The following ASTN2 variants were observed in gnomAD, a reference collection of about 807,000 sequenced individuals.
ASTN2 encodes astrotactin 2, also known as astrotactin-2.
In ASTN2, 54 loss-of-function variants were observed where a neutral mutation model predicts 139.8. The observed-to-expected ratio is 0.39, with a 90% CI of 0.31 to 0.48. The LOEUF (loss-of-function observed/expected upper bound fraction) is 0.48, where lower values mean the gene tolerates loss of function less well. ASTN2 is among the 20% of genes least tolerant of loss of function. ASTN2 has a pLI of 0.95. For synonymous variants in ASTN2, 756 were observed against 719.5 expected, an observed-to-expected ratio of 1.05 and a Z score of -0.81; for missense variants, 1,565 against 1,725.1, an observed-to-expected ratio of 0.91 and a Z score of 1.64.
chr9:117,279,224 GC>G (rs750279157), intron 2 of ASTN2, among the ~76,000 whole-genome samples: 11 of 152,014 alleles, frequency 7.2e-5, no homozygotes, highest in Non-Finnish European at 1.5e-4. Flanking sequence ...ATCCATCCTT[GC>G]CCCCTATAAG....
chr9:117,379,145 C>T (rs1218548898), intron 1 of ASTN2, among the ~76,000 whole-genome samples: 1 of 152,088 alleles, frequency 6.6e-6, no homozygotes, highest in Non-Finnish European at 1.5e-5. Context: ...ATAAATTACC[C>T]AGCCTTTGGG....
chr9:116,688,638 C>T (rs1860400130), intron 16 of ASTN2, among the ~76,000 whole-genome samples: 1 of 146,520 alleles, frequency 6.8e-6, no homozygotes, highest in Admixed American at 6.8e-5. Flanking sequence ...GACCACCGGT[C>T]CCCCGGCCCA....
chr9:117,075,788 T>C (rs1828265246), intron 5 of ASTN2, among the ~76,000 whole-genome samples: 1 of 152,232 alleles, frequency 6.6e-6, no homozygotes, highest in African/African-American at 2.4e-5. Flanking sequence ...TTTTCCATGC[T>C]GTTTACTAAA....
chr9:117,024,503 G>C (rs942908219), intron 6 of ASTN2, among the ~76,000 whole-genome samples: 1 of 151,986 alleles, frequency 6.6e-6, no homozygotes, highest in Non-Finnish European at 1.5e-5. Context: ...TGACAAAAGG[G>C]GGTGGTTATA....
At chr9:117,146,399 G>A (rs4837008) in intron 3 of ASTN2, among the ~76,000 whole-genome samples, 37,684 of 149,784 alleles carry the variant, frequency 0.25, 4,818 homozygotes, top group Middle Eastern at 0.38. Context: ...ACTGGGGCCT[G>A]AGGAAGAAAG....
At chr9:116,685,368 G>T (rs956093229) in intron 16 of ASTN2, among the ~76,000 whole-genome samples, 1 of 152,172 alleles carries the variant, frequency 6.6e-6, no homozygotes, top group African/African-American at 2.4e-5. Flanking sequence ...GATGACTTGA[G>T]TAATCATAAA....
At chr9:116,803,086 G>A (rs561057545) in intron 13 of ASTN2, among the ~76,000 whole-genome samples, 26 of 152,132 alleles carry the variant, frequency 1.7e-4, no homozygotes, top group African/African-American at 4.8e-4. Flanking sequence ...TAAAACTTGT[G>A]TGTGTCATCT....
intron 13 of ASTN2, among the ~76,000 whole-genome samples, chr9:116,735,547 G>A (rs1828905153): frequency 2.0e-5 from 3 of 152,206 alleles, no homozygotes; most frequent in South Asian, 2.1e-4. Flanking sequence ...GTGCTGGGTG[G>A]TGCTAAGAAC....
intron 20 of ASTN2, among the ~76,000 whole-genome samples, chr9:116,472,213 A>G (rs1848835130): frequency 6.6e-6 from 1 of 152,088 alleles, no homozygotes; most frequent in Non-Finnish European, 1.5e-5. Context: ...GTACATTTCA[A>G]CTGCCCTGAA....
intron 3 of ASTN2, among the ~76,000 whole-genome samples, chr9:117,179,964 G>A (rs1831015696): frequency 6.6e-6 from 1 of 152,154 alleles, no homozygotes; most frequent in African/African-American, 2.4e-5. Flanking sequence ...TTTGATAGAT[G>A]GGAAAACTGA....
intron 10 of ASTN2, among the ~76,000 whole-genome samples, chr9:116,926,733 G>A (rs1007295489): frequency 1.3e-5 from 2 of 152,160 alleles, no homozygotes; most frequent in African/African-American, 4.8e-5. Flanking sequence ...TTTTACAGAT[G>A]AGAAAACTGA....
intron 5 of ASTN2, among the ~76,000 whole-genome samples, chr9:117,052,434 TAAA>T (rs1266282770): frequency 7.3e-6 from 1 of 137,202 alleles, no homozygotes; most frequent in African/African-American, 2.7e-5. Context: ...GACTCCATCT[TAAA>T]AAAAAAAAAA....
At chr9:117,278,580 G>A (rs762596972) in intron 2 of ASTN2, among the ~76,000 whole-genome samples, 4 of 152,348 alleles carry the variant, frequency 2.6e-5, no homozygotes, top group South Asian at 2.1e-4. Context: ...CCAAGATGGA[G>A]AAGGTGGCAG....
intron 16 of ASTN2, among the ~76,000 whole-genome samples, chr9:116,668,282 C>T (rs1322720667): frequency 6.6e-6 from 1 of 151,956 alleles, no homozygotes; most frequent in African/African-American, 2.4e-5. Flanking sequence ...ACCTCCGCCC[C>T]CCAGGTTCAA....
chr9:116,582,077 G>A (rs927369831), intron 19 of ASTN2: 5 of 152,170 alleles, frequency 3.3e-5, no homozygotes, highest in Admixed American at 1.3e-4. Context: ...GTCATAAGCC[G>A]AGTTTAATTG....
At chr9:116,961,795 C>T (rs1588443350) in intron 10 of ASTN2, among the ~76,000 whole-genome samples, 1 of 152,154 alleles carries the variant, frequency 6.6e-6, no homozygotes, top group South Asian at 2.1e-4. Context: ...TCTGAAAAGG[C>T]ATGAGTTTAA....
In ASTN2 at chr9:116,585,656, CA is replaced by C. The variant is rs1368724312; in HGVS notation, c.3355+32667del. 5 of 152,268 alleles carry C rather than the reference CA, an allele frequency of 3.3e-5. No homozygotes were observed. In the East Asian group the frequency reaches 9.6e-4, roughly 29 times the overall value. 9.4% of individuals were successfully genotyped at this position (152,268 alleles called of 1,614,324 possible). On this transcript the variant is annotated intron_variant, in intron 19 of 22. Coordinates refer to ENST00000313400, the MANE Select transcript of ASTN2 (RefSeq NM_001365068.1). ...CTGGGCCCTTACCTTTCACCATATA[CA>C]AAAATTAACTCAAGATGGATTAAAG...
chr9:116,538,180 AAGGG>A (rs1851724303), intron 19 of ASTN2, among the ~76,000 whole-genome samples: 1 of 152,040 alleles, frequency 6.6e-6, no homozygotes, highest in African/African-American at 2.4e-5. Flanking sequence ...GGAAAGAAGA[AAGGG>A]AGGGAGGAAG....
chr9:116,991,158 AC>A (rs1836841495), intron 7 of ASTN2, among the ~76,000 whole-genome samples: 1 of 23,524 alleles, frequency 4.3e-5, no homozygotes, highest in Admixed American at 1.4e-3. Context: ...AAAGGTGGGG[AC>A]ACACACACAC....
Sources: gnomAD v4.1 joint callset for allele counts (sites outside exome capture counted in the v4.1 genomes callset) on GRCh38, gnomAD v4.1.1 for gene constraint, MANE v1.5 for transcripts, NCBI Gene and HGNC (gene_info 2026-07-23, HGNC 2026-07-21) for gene names.